Variants in MAMDC2 observed in about 807,000 individuals in gnomAD.
The protein encoded by MAMDC2 is MAM domain containing 2, also known as MAM domain-containing protein 2.
In MAMDC2, 57 loss-of-function variants were observed where a neutral mutation model predicts 89.8. The observed-to-expected ratio is 0.63, with a 90% confidence interval of 0.51 to 0.79. The LOEUF is 0.79. Among genes scored for constraint, MAMDC2 ranks in the 30% least tolerant of loss-of-function variants. The pLI, the probability that MAMDC2 is intolerant of heterozygous loss-of-function variation, is 0.00. For missense variants in MAMDC2, 800 were observed against 820.6 expected, an observed-to-expected ratio of 0.97 and a Z score of 0.31; for synonymous variants, 313 against 293.4, an observed-to-expected ratio of 1.07 and a Z score of -0.68.
intron 9 of MAMDC2, among the ~76,000 whole-genome samples, chr9:70,149,574 A>C (rs1261367521): frequency 6.6e-6 from 1 of 152,160 alleles, no homozygotes. Flanking sequence ...ATGCCGAGCA[A>C]CTTTCCACAG....
At chr9:70,095,549 G>T (rs1165279181) in intron 2 of MAMDC2, among the ~76,000 whole-genome samples, 1 of 152,154 alleles carries the variant, frequency 6.6e-6, no homozygotes, top group Non-Finnish European at 1.5e-5. Context: ...ATAGCTGGGG[G>T]TTCCATTCTC....
chr9:70,149,207 CA>C (rs3071388), intron 9 of MAMDC2, among the ~76,000 whole-genome samples: 10,552 of 109,496 alleles, frequency 0.096, 470 homozygotes, highest in East Asian at 0.21. Context: ...GACCCCATCT[CA>C]AAAAAAAAAA....
chr9:70,093,837 C>G (rs930440010), intron 2 of MAMDC2: 1 of 152,182 alleles, frequency 6.6e-6, no homozygotes, highest in Non-Finnish European at 1.5e-5. Flanking sequence ...AACAAACACT[C>G]TCTATCGGGT....
At chr9:70,068,467 CA>C (rs1305734938) in intron 2 of MAMDC2, among the ~76,000 whole-genome samples, 1 of 152,022 alleles carries the variant, frequency 6.6e-6, no homozygotes, top group Non-Finnish European at 1.5e-5. Context: ...CCTGTAATCC[CA>C]GGACTTTGGG....
At chr9:70,198,363 G>C (rs904094079) in intron 11 of MAMDC2, among the ~76,000 whole-genome samples, 7 of 151,924 alleles carry the variant, frequency 4.6e-5, no homozygotes, top group African/African-American at 1.2e-4. Flanking sequence ...TCTTAACAAA[G>C]TTCCCAAGGT....
intron 9 of MAMDC2, among the ~76,000 whole-genome samples, chr9:70,152,284 A>G (rs1563976838): frequency 6.6e-6 from 1 of 152,114 alleles, no homozygotes; most frequent in Admixed American, 6.5e-5. Context: ...AGCAACGCTA[A>G]GAGTTTCCCT....
chr9:70,147,484 T>C (rs1414864212), intron 9 of MAMDC2, among the ~76,000 whole-genome samples: 1 of 150,008 alleles, frequency 6.7e-6, no homozygotes, highest in Non-Finnish European at 1.5e-5. Flanking sequence ...TAATTTTTAG[T>C]TTTGTTTTTA....
chr9:70,099,079 A>G (rs1828097267), intron 2 of MAMDC2, among the ~76,000 whole-genome samples: 1 of 152,216 alleles, frequency 6.6e-6, no homozygotes, highest in South Asian at 2.1e-4. Flanking sequence ...TTCAAACAGA[A>G]GATGAGAATA....
At chr9:70,220,211 A>G (rs2033531084) in intron 12 of MAMDC2, among the ~76,000 whole-genome samples, 1 of 152,210 alleles carries the variant, frequency 6.6e-6, no homozygotes, top group Non-Finnish European at 1.5e-5. Context: ...ACTTATCAGC[A>G]TCTAGGCCTT....
intron 2 of MAMDC2, among the ~76,000 whole-genome samples, chr9:70,049,567 C>T (rs1458005260): frequency 1.3e-5 from 2 of 152,086 alleles, no homozygotes; most frequent in South Asian, 2.1e-4. Context: ...AGGCCAGGGA[C>T]GAGTTATGCT....
chr9:70,219,758 T>C (rs941096051), intron 12 of MAMDC2, among the ~76,000 whole-genome samples: 1 of 152,178 alleles, frequency 6.6e-6, no homozygotes, highest in Non-Finnish European at 1.5e-5. Context: ...TTATAGTGAT[T>C]TAATGTCTGT....
At chr9:70,071,015 C>T (rs953075768) in intron 2 of MAMDC2, among the ~76,000 whole-genome samples, 2 of 152,038 alleles carry the variant, frequency 1.3e-5, no homozygotes, top group Non-Finnish European at 2.9e-5. Context: ...CCTTTTAATG[C>T]CAAATATCCA....
intron 7 of MAMDC2, among the ~76,000 whole-genome samples, chr9:70,139,042 T>G (rs1230794012): frequency 6.6e-6 from 1 of 152,120 alleles, no homozygotes; most frequent in Non-Finnish European, 1.5e-5. Context: ...TTTAAAATTT[T>G]TATGAATGAA....
chr9:70,226,060 C>T lies in MAMDC2; in HGVS notation c.*28C>T, dbSNP rs528007312. 29 of 1,292,386 alleles carry T rather than the reference C, an allele frequency of 2.2e-5. No individual in the cohort carries two copies. The highest frequency in any genetic ancestry group is 4.1e-5 in the Admixed American group (2 of 48,442). The allele number at this position is 1,292,386 out of a possible 1,614,324, so 80.1% of individuals were successfully genotyped here. On this transcript the variant is annotated 3_prime_UTR_variant, in exon 14 of 14. Coordinates refer to ENST00000377182, the MANE Select transcript of MAMDC2 (RefSeq NM_153267.5). ...AATGATCTGCATTGGATTTACTAGA[C>T]GAAAACCATACCTCTCTTCAATCAA...
At chr9:70,164,523 A>G (rs1012978475) in intron 9 of MAMDC2, among the ~76,000 whole-genome samples, 1 of 152,232 alleles carries the variant, frequency 6.6e-6, no homozygotes, top group Non-Finnish European at 1.5e-5. Flanking sequence ...TCTTGAGTAC[A>G]TGGAGACATT....
chr9:70,047,647 G>A (rs996508703), intron 2 of MAMDC2, among the ~76,000 whole-genome samples: 1 of 152,148 alleles, frequency 6.6e-6, no homozygotes, highest in African/African-American at 2.4e-5. Context: ...ATTGTAAATA[G>A]TGCTGCAATA....
intron 9 of MAMDC2, among the ~76,000 whole-genome samples, chr9:70,162,055 T>A (rs572512861): frequency 1.5e-4 from 23 of 152,318 alleles, no homozygotes; most frequent in Middle Eastern, 6.8e-3. Flanking sequence ...TCTATCCAAA[T>A]ATAGAAGGCA....
At chr9:70,191,455 GTTCTGT>G (rs2032878314) in intron 11 of MAMDC2, among the ~76,000 whole-genome samples, 1 of 151,928 alleles carries the variant, frequency 6.6e-6, no homozygotes, top group Non-Finnish European at 1.5e-5. Context: ...GCCACTTGTG[GTTCTGT>G]TTCTGTCATC....
chr9:70,054,638 A>G (rs1826987021), intron 2 of MAMDC2, among the ~76,000 whole-genome samples: 1 of 151,598 alleles, frequency 6.6e-6, no homozygotes, highest in East Asian at 1.9e-4. Context: ...TTTCTATAGT[A>G]AGGGGAAGGG....
Sources: gnomAD v4.1 joint callset for allele counts (sites outside exome capture counted in the v4.1 genomes callset) on GRCh38, gnomAD v4.1.1 for gene constraint, MANE v1.5 for transcripts, NCBI Gene and HGNC (gene_info 2026-07-23, HGNC 2026-07-21) for gene names.